The following VRK2 variants were observed in gnomAD, a reference collection of about 807,000 sequenced individuals.
The protein encoded by VRK2 is VRK serine/threonine kinase 2, also known as serine/threonine-protein kinase VRK2.
A neutral mutation model predicts 57.6 loss-of-function variants in VRK2; 60 were observed. That is an observed-to-expected ratio of 1.04 (90% CI 0.85 to 1.29). The LOEUF (loss-of-function observed/expected upper bound fraction) is 1.29, where lower values mean the gene tolerates loss of function less well. Ranked by LOEUF, VRK2 falls within the 50% of genes most tolerant of loss-of-function variation. The pLI is 0.00. For missense variants in VRK2, 705 were observed against 588.1 expected, an observed-to-expected ratio of 1.20 and a Z score of -2.06; for synonymous variants, 231 against 199.2, an observed-to-expected ratio of 1.16 and a Z score of -1.35.
intron 7 of VRK2, among the ~76,000 whole-genome samples, chr2:58,096,704 T>C (rs1385683843): frequency 1.3e-5 from 2 of 151,964 alleles, no homozygotes; most frequent in African/African-American, 4.8e-5. Context: ...TCTTTTTTCT[T>C]ATTATTAATT....
intron 12 of VRK2, 25 bp downstream of exon 12, chr2:58,146,499 T>C (rs1159165144): frequency 1.6e-5 from 25 of 1,595,366 alleles, no homozygotes; most frequent in Non-Finnish European, 1.9e-5. Context: ...TGTGTGTGTT[T>C]TTTCTAACTT....
intron 1 of VRK2, among the ~76,000 whole-genome samples, chr2:58,000,411 C>A (rs1160966908): frequency 1.3e-5 from 2 of 152,038 alleles, no homozygotes; most frequent in Non-Finnish European, 2.9e-5. Flanking sequence ...AGGCAAGATG[C>A]CTATCTTCTC....
intron 1 of VRK2, among the ~76,000 whole-genome samples, chr2:57,914,797 A>G (rs1371469011): frequency 1.3e-5 from 2 of 152,206 alleles, no homozygotes; most frequent in East Asian, 1.9e-4. Context: ...CAAATTCTCT[A>G]TTATTAAAAT....
chr2:57,948,367 T>C (rs190908401), intron 1 of VRK2, among the ~76,000 whole-genome samples: 2 of 152,154 alleles, frequency 1.3e-5, no homozygotes, highest in African/African-American at 4.8e-5. Context: ...TATAAGCCAT[T>C]TGGGGGAAGG....
At chr2:58,149,040 G>A (rs995731472) in intron 12 of VRK2, among the ~76,000 whole-genome samples, 1 of 151,702 alleles carries the variant, frequency 6.6e-6, no homozygotes, top group East Asian at 1.9e-4. Context: ...ATGCACAATG[G>A]GATATTGACT....
At chr2:58,154,172 T>C (rs943669133) in intron 12 of VRK2, among the ~76,000 whole-genome samples, 1 of 152,100 alleles carries the variant, frequency 6.6e-6, no homozygotes, top group Non-Finnish European at 1.5e-5. Context: ...ACTGGTAGTT[T>C]GTGTTTTCTT....
At position 58,156,642 on chromosome 2, in the gene VRK2, A is replaced by C. The variant is rs1019010160; in HGVS notation, c.1183-2707A>C. The stretch of plus-strand genomic sequence containing the variant: ...TTGCCTGACCTCTAGTTGATTGTCA[A>C]ATCAGCTGTTAAACCTAGCCAATGA... On this transcript the variant is annotated intron_variant, in intron 12 of 12. Transcript: ENST00000340157. 1.4e-4 allele frequency among the ~76,000 whole-genome samples: 21 copies of C among 151,894 alleles called. 2 individuals carry two copies. The highest frequency in any genetic ancestry group is 1.3e-3 in the Admixed American group (20 of 15,250).
intron 1 of VRK2, among the ~76,000 whole-genome samples, chr2:58,024,493 T>C (rs1002697358): frequency 1.3e-5 from 2 of 152,212 alleles, no homozygotes; most frequent in Non-Finnish European, 2.9e-5. Flanking sequence ...TAATTTGTAA[T>C]AGTTAACAGC....
intron 1 of VRK2, among the ~76,000 whole-genome samples, chr2:58,005,973 A>G (rs527439064): frequency 1.8e-4 from 28 of 152,256 alleles, no homozygotes; most frequent in Admixed American, 1.5e-3. Context: ...GCAGATGGTA[A>G]GCAAGGCAAT....
chr2:57,992,973 T>C (rs746115346), intron 1 of VRK2, among the ~76,000 whole-genome samples: 15 of 152,196 alleles, frequency 9.9e-5, no homozygotes, highest in Non-Finnish European at 1.9e-4. Context: ...GGGTAAAGTT[T>C]TTCAACTCTT....
chr2:58,058,871 G>A (rs913258202), intron 2 of VRK2, among the ~76,000 whole-genome samples: 1 of 151,944 alleles, frequency 6.6e-6, no homozygotes, highest in Non-Finnish European at 1.5e-5. Flanking sequence ...TCTATATTTG[G>A]ACTCTGGTCC....
At chr2:58,134,569 C>G (rs1014588512) in intron 9 of VRK2, among the ~76,000 whole-genome samples, 2 of 148,380 alleles carry the variant, frequency 1.3e-5, no homozygotes, top group African/African-American at 5.1e-5. Flanking sequence ...CGAGATTGCG[C>G]CACTGCAGTC....
At position 58,084,912 on chromosome 2, in the gene VRK2, A is replaced by G; in HGVS notation, c.218A>G (p.Glu73Gly). 6.3e-7 allele frequency: 1 copy of G among 1,588,964 alleles called. No individual in the cohort carries two copies. Among genetic ancestry groups the G allele is most frequent in the Non-Finnish European group, 8.6e-7 (1 of 1,169,050 alleles). Reference sequence around the variant, plus strand: ...CAAGAAAATGGCCCGTTATTTTCAGAACTTAAATTTTATCAGAGAGTTGCA... The same window carrying G: ...CAAGAAAATGGCCCGTTATTTTCAGGACTTAAATTTTATCAGAGAGTTGCA... ...EYQENGPLFS[E>G]LKFYQRVAKK... is the part of the protein sequence containing the mutation. The change falls in exon 4 of 13, where the codon GAA becomes GGA. Residue 73 changes from glutamate to glycine, a missense_variant. By Grantham distance (98) the Glu-to-Gly change is moderately conservative (BLOSUM62 -2). Coordinates refer to ENST00000340157, the MANE Select transcript of VRK2 (RefSeq NM_006296.7).
At chr2:58,052,567 C>T (rs935546455) in intron 2 of VRK2, among the ~76,000 whole-genome samples, 4 of 140,244 alleles carry the variant, frequency 2.9e-5, no homozygotes, top group African/African-American at 1.1e-4. Context: ...TGCACCACTG[C>T]ATTCTAGCTT....
intron 7 of VRK2, among the ~76,000 whole-genome samples, chr2:58,116,492 A>C (rs1018531260): frequency 2.6e-5 from 4 of 152,122 alleles, no homozygotes; most frequent in Admixed American, 6.5e-5. Context: ...GAGGTTTAGA[A>C]GCCTGGCTGT....
At chr2:57,910,827 C>T (rs1669964610) in intron 1 of VRK2, among the ~76,000 whole-genome samples, 1 of 152,134 alleles carries the variant, frequency 6.6e-6, no homozygotes, top group South Asian at 2.1e-4. Context: ...TAGAAAAGCT[C>T]TCACTAGATG....
At chr2:58,033,320 G>A (rs1674173399) in exon 3 of VRK2, 1 of 151,980 alleles carries the variant, frequency 6.6e-6, no homozygotes, top group African/African-American at 2.4e-5. Flanking sequence ...TTATCTGGGT[G>A]GGCACAATGT....
chr2:58,084,814 T>G (rs893251622), intron 3 of VRK2, 67 bp from the exon 4 acceptor site: 10 of 1,071,546 alleles, frequency 9.3e-6, no homozygotes, highest in Admixed American at 4.8e-5. Flanking sequence ...ATTTTCACAG[T>G]TGAAATAACA....
intron 2 of VRK2, among the ~76,000 whole-genome samples, chr2:58,054,419 C>T (rs1676211670): frequency 1.3e-5 from 2 of 150,834 alleles, no homozygotes; most frequent in African/African-American, 2.4e-5. Context: ...AAACATATTG[C>T]TGTGGGGAAA....
Sources: allele counts gnomAD v4.1 joint callset (sites outside exome capture counted in the v4.1 genomes callset), GRCh38; gene constraint gnomAD v4.1.1; transcripts MANE v1.5; gene names NCBI Gene and HGNC (gene_info 2026-07-23, HGNC 2026-07-21).